Variants in SYTL5 observed in about 807,000 individuals in gnomAD.
SYTL5 encodes the protein synaptotagmin-like protein 5.
SYTL5 carries 34 observed loss-of-function variants against 55.9 expected under a neutral mutation model. The observed-to-expected ratio is 0.61, with a 90% confidence interval of 0.46 to 0.81. The LOEUF is 0.81. Ranked by LOEUF, SYTL5 falls within the 30% of genes least tolerant of loss-of-function variation. The pLI is 0.00. For synonymous variants in SYTL5, 221 were observed against 188.7 expected (o/e 1.17, Z -1.40); for missense variants, 637 against 546.7 (o/e 1.17, Z -1.65).
At chrX:38,094,572 A>G (rs1426628398) in intron 8 of SYTL5, 148 bp downstream of exon 8, 2 of 572,783 alleles carry the variant, frequency 3.5e-6, no homozygotes, top group Non-Finnish European at 5.2e-6. Flanking sequence ...ACTCCATAAG[A>G]ACTGCTTGAA....
chrX:37,970,649 A>G, the SYTL5 span, among the ~76,000 whole-genome samples: 1 of 111,980 alleles, frequency 8.9e-6, no homozygotes, highest in South Asian at 3.7e-4. Flanking sequence ...TACCTAGATT[A>G]TTTACAAAAA....
chrX:37,964,317 G>C, the SYTL5 span, among the ~76,000 whole-genome samples: 2 of 112,075 alleles, frequency 1.8e-5, no homozygotes, highest in African/African-American at 6.5e-5. Context: ...ATAAATTTCT[G>C]TTGTTTATAA....
chrX:38,109,712 A>G lies in SYTL5; in HGVS notation c.1435-609A>G, dbSNP rs141592082. Reference sequence around the variant, plus strand: ...GAAGTGTGTCCCAGATGGTGGTTGCATAGAACAAGCAGAAGGCTGGAGGGT... The same window carrying G: ...GAAGTGTGTCCCAGATGGTGGTTGCGTAGAACAAGCAGAAGGCTGGAGGGT... On this transcript the variant is annotated intron_variant, in intron 12 of 16. Coordinates refer to ENST00000297875, the MANE Select transcript of SYTL5 (RefSeq NM_138780.3). Among the ~76,000 whole-genome samples, 929 of 108,800 alleles carry G rather than the reference A, an allele frequency of 8.5e-3. 5 individuals carry two copies. Among genetic ancestry groups the G allele is most frequent in the Middle Eastern group, 0.052 (11 of 213 alleles). 94.5% of individuals were successfully genotyped at this position (108,800 alleles called of 115,157 possible).
chrX:37,908,241 G>A, the SYTL5 span, among the ~76,000 whole-genome samples: 4 of 111,633 alleles, frequency 3.6e-5, no homozygotes, highest in African/African-American at 1.3e-4. Flanking sequence ...GCTTCAAGAT[G>A]GCTCTAACAG....
the SYTL5 span, among the ~76,000 whole-genome samples, chrX:37,942,404 T>G: frequency 8.9e-6 from 1 of 112,080 alleles, no homozygotes; most frequent in Non-Finnish European, 1.9e-5. Context: ...GTCATAGTTC[T>G]TCAATGCATT....
chrX:37,919,292 G>A, the SYTL5 span, among the ~76,000 whole-genome samples: 1 of 111,562 alleles, frequency 9.0e-6, no homozygotes, highest in African/African-American at 3.3e-5. Context: ...AAAGTGAGTA[G>A]CCAGGTGAAA....
the SYTL5 span, among the ~76,000 whole-genome samples, chrX:37,928,026 T>A: frequency 2.9e-4 from 33 of 112,124 alleles, no homozygotes; most frequent in African/African-American, 1.0e-3. Flanking sequence ...AAACCTTGTG[T>A]GAGTTGATAT....
chrX:38,042,881 A>G (rs1284130753), intron 2 of SYTL5, among the ~76,000 whole-genome samples: 1 of 112,008 alleles, frequency 8.9e-6, no homozygotes, highest in Non-Finnish European at 1.9e-5. Context: ...AACTTCACTA[A>G]TAAAAATGTC....
rs1298680745 is a variant in SYTL5 at position 38,102,454 on chromosome X, A to C, written c.1155+20A>C. The C allele has an allele frequency of 9.2e-7, 1 of 1,088,703 alleles. No individual in the cohort carries two copies. The highest frequency in any genetic ancestry group is 1.3e-6 in the Non-Finnish European group (1 of 787,040). The allele number at this position is 1,088,703 out of a possible 1,213,427, so 89.7% of individuals were successfully genotyped here. On this transcript the variant is annotated intron_variant, in intron 10 of 16. Coordinates refer to ENST00000297875, the MANE Select transcript of SYTL5 (RefSeq NM_138780.3). ...TCAACTGTAAGCAGTTCACTAGGAC[A>C]TGTGGAAAGTTTCTTTTCCCTCTTT...
chrX:38,102,188 G>A lies in SYTL5; in HGVS notation c.1063-154G>A, dbSNP rs766202384. On this transcript the variant is annotated intron_variant, in intron 9 of 16. Transcript: ENST00000297875. ...TCCGATGGTATAATTCAGATTGACC[G>A]GAGAGGAAAAGAGAAAAACCTAGGA... 9.0e-5 allele frequency among the ~76,000 whole-genome samples: 10 copies of A among 110,985 alleles called. No homozygotes were observed. The East Asian group carries it at 1.4e-3, about 16-fold the overall frequency.
intron 6 of SYTL5, among the ~76,000 whole-genome samples, chrX:38,081,000 TA>T (rs1271166135): frequency 1.8e-5 from 2 of 111,993 alleles, no homozygotes; most frequent in Admixed American, 1.9e-4. Context: ...TTACCAGGCT[TA>T]AAAAAATGTT....
chrX:38,076,566 G>C lies in SYTL5; in HGVS notation c.555-1G>C. 1 of 1,178,960 alleles carries C rather than the reference G, an allele frequency of 8.5e-7. No individual in the cohort carries two copies. The highest frequency in any genetic ancestry group is 1.1e-6 in the Non-Finnish European group (1 of 874,222). On this transcript the variant is annotated splice_acceptor_variant, in intron 5 of 16. Coordinates refer to ENST00000297875, the MANE Select transcript of SYTL5 (RefSeq NM_138780.3). LOFTEE classifies it high-confidence loss of function. ...TTTTAAATACATATATATAATTTCA[G>C]ATTTCTTCTTAGCAAGTTCAGATCG...
At chrX:38,050,795 T>TCC (rs2147285499) in intron 2 of SYTL5, among the ~76,000 whole-genome samples, 2 of 111,987 alleles carry the variant, frequency 1.8e-5, no homozygotes, top group South Asian at 7.5e-4. Flanking sequence ...CTTCATGGCA[T>TCC]TTTCAGACCA....
chrX:38,015,564 A>G (rs895356583), intron 1 of SYTL5, among the ~76,000 whole-genome samples: 8 of 111,675 alleles, frequency 7.2e-5, no homozygotes, highest in African/African-American at 2.6e-4. Context: ...TCTCCACTTG[A>G]GGTGTCCATT....
intron 15 of SYTL5, among the ~76,000 whole-genome samples, chrX:38,124,504 G>A (rs1298315550): frequency 9.0e-6 from 1 of 111,728 alleles, no homozygotes; most frequent in African/African-American, 3.3e-5. Context: ...CCCTGAAGGG[G>A]GAAAACAGCC....
the SYTL5 span, among the ~76,000 whole-genome samples, chrX:37,958,523 A>AAC: frequency 9.0e-6 from 1 of 111,276 alleles, no homozygotes; most frequent in Non-Finnish European, 1.9e-5. Context: ...TTAAGTTTCC[A>AAC]ACACACACAC....
chrX:38,042,431 A>G (rs1935313638), intron 2 of SYTL5, among the ~76,000 whole-genome samples: 1 of 111,643 alleles, frequency 9.0e-6, no homozygotes, highest in Admixed American at 9.5e-5. Flanking sequence ...TTGGTTGCAA[A>G]TGCAGAACTC....
rs192185989 is a variant in SYTL5, at chrX:38,036,602, G to A, written c.119+2594G>A. Among the ~76,000 whole-genome samples, 16 of 111,835 alleles carry A rather than the reference G, an allele frequency of 1.4e-4. No homozygotes were observed. In the South Asian group the frequency reaches 3.7e-3, roughly 26 times the overall value. ...CTGCATTAACTGCATTAGATGTGTT[G>A]TCTCATTTTGTTCTGAGTTCTTGTA... On this transcript the variant is annotated intron_variant, in intron 2 of 16. Transcript: ENST00000297875.
chrX:38,120,550 ATTTC>A, intron 14 of SYTL5, 84 bp downstream of exon 14: 3 of 724,546 alleles, frequency 4.1e-6, no homozygotes, highest in Non-Finnish European at 6.5e-6. Flanking sequence ...GTTGCATTAT[ATTTC>A]TTTCATATTA....
Sources: gnomAD v4.1 joint callset for allele counts (sites outside exome capture counted in the v4.1 genomes callset) on GRCh38, gnomAD v4.1.1 for gene constraint, MANE v1.5 for transcripts, NCBI Gene and HGNC (gene_info 2026-07-23, HGNC 2026-07-21) for gene names.